The following ERP44 variants were observed in gnomAD, a reference collection of about 807,000 sequenced individuals.
ERP44 encodes the protein endoplasmic reticulum resident protein 44.
Under a neutral mutation model 53.4 loss-of-function variants are expected in ERP44, and 25 were observed. That is an observed-to-expected ratio of 0.47 (90% CI 0.34 to 0.65). The LOEUF (loss-of-function observed/expected upper bound fraction) is 0.65, where lower values mean the gene tolerates loss of function less well. ERP44 is among the 30% of genes least tolerant of loss of function. ERP44 has a pLI of 0.01. For synonymous variants in ERP44, 145 were observed against 161.2 expected, an observed-to-expected ratio of 0.90 and a Z score of 0.76; for missense variants, 338 against 493.2, an observed-to-expected ratio of 0.69 and a Z score of 2.98.
In ERP44 at chr9:100,034,152, A is replaced by T. The variant is rs189179232; in HGVS notation, c.287-11926T>A. On this transcript the variant is annotated intron_variant, in intron 4 of 11. Transcript: ENST00000262455. Reference sequence around the variant, plus strand: ...TCATAGGATGAGATAGGAGGTTGGCACAAGATACAGATCACAAAAACCTTG... The same window carrying T: ...TCATAGGATGAGATAGGAGGTTGGCTCAAGATACAGATCACAAAAACCTTG... 4.6e-4 allele frequency among the ~76,000 whole-genome samples: 70 copies of T among 152,338 alleles called. 3 individuals are homozygous for T. Among genetic ancestry groups the T allele is most frequent in the Admixed American group, 4.5e-3 (69 of 15,306 alleles).
At chr9:99,985,369 T>C (rs1159968644) in intron 10 of ERP44, among the ~76,000 whole-genome samples, 1 of 152,208 alleles carries the variant, frequency 6.6e-6, no homozygotes, top group African/African-American at 2.4e-5. Flanking sequence ...TAATGGGCAC[T>C]TTATATATTT....
intron 10 of ERP44, among the ~76,000 whole-genome samples, chr9:100,005,899 G>A (rs1175244777): frequency 6.6e-6 from 1 of 152,144 alleles, no homozygotes; most frequent in Non-Finnish European, 1.5e-5. Context: ...TTTAACCACT[G>A]TATTTAACAC....
chr9:100,057,874 C>T lies in ERP44; in HGVS notation c.131-15G>A. On this transcript the variant is annotated splice_polypyrimidine_tract_variant and intron_variant, in intron 2 of 11. Coordinates refer to ENST00000262455, the MANE Select transcript of ERP44 (RefSeq NM_015051.3). ...ATCAGCATTGTCTGAAATTGAAAGA[C>T]AAAACCAAATAAGATATTTGTAATA... 1.3e-6 allele frequency: 2 copies of T among 1,561,496 alleles called. No individual in the cohort carries two copies. Among genetic ancestry groups the T allele is most frequent in the Non-Finnish European group, 8.8e-7 (1 of 1,137,876 alleles).
intron 1 of ERP44, among the ~76,000 whole-genome samples, chr9:100,093,011 T>C (rs143380082): frequency 1.0e-3 from 154 of 152,332 alleles, no homozygotes; most frequent in African/African-American, 3.6e-3. Flanking sequence ...AACCTGAGAA[T>C]GTATCTGAAC....
At chr9:100,052,610 A>AAT in intron 3 of ERP44, 78 bp from the exon 4 acceptor site, 2 of 607,706 alleles carry the variant, frequency 3.3e-6, no homozygotes, top group Non-Finnish European at 5.8e-6. Flanking sequence ...GCCCACTGAC[A>AAT]TTTGATATAG....
chr9:100,066,748 A>G (rs971482713), intron 1 of ERP44, among the ~76,000 whole-genome samples: 4 of 152,208 alleles, frequency 2.6e-5, no homozygotes, highest in African/African-American at 9.6e-5. Context: ...TCAGTTTCGC[A>G]TTAAGCTCGC....
At chr9:100,055,363 T>TG (rs1398050739) in intron 3 of ERP44, among the ~76,000 whole-genome samples, 1 of 151,978 alleles carries the variant, frequency 6.6e-6, no homozygotes, top group East Asian at 1.9e-4. Flanking sequence ...CTGATGTGTG[T>TG]TTTTTTTGTT....
At chr9:100,085,162 G>A (rs1039766333) in intron 1 of ERP44, among the ~76,000 whole-genome samples, 1 of 152,172 alleles carries the variant, frequency 6.6e-6, no homozygotes, top group Non-Finnish European at 1.5e-5. Flanking sequence ...TATCAAGGAA[G>A]TCTTTATAAT....
intron 10 of ERP44, among the ~76,000 whole-genome samples, chr9:100,000,753 CTCTT>C (rs1441038003): frequency 3.3e-5 from 5 of 152,076 alleles, no homozygotes; most frequent in African/African-American, 4.8e-5. Flanking sequence ...TGAGACTTCT[CTCTT>C]TAATTCTAGC....
At chr9:100,012,332 A>G (rs2118640465) in intron 8 of ERP44, among the ~76,000 whole-genome samples, 1 of 152,304 alleles carries the variant, frequency 6.6e-6, no homozygotes, top group East Asian at 1.9e-4. Context: ...TGCAGGCTTA[A>G]AAATATATTA....
chr9:100,088,854 G>A (rs1826517331), intron 1 of ERP44, among the ~76,000 whole-genome samples: 1 of 152,080 alleles, frequency 6.6e-6, no homozygotes, highest in South Asian at 2.1e-4. Context: ...ATATTCAAGC[G>A]ATCATTAAGG....
At chr9:100,066,334 A>T (rs1253585793) in intron 1 of ERP44, among the ~76,000 whole-genome samples, 3 of 152,192 alleles carry the variant, frequency 2.0e-5, no homozygotes, top group Non-Finnish European at 4.4e-5. Context: ...TTAATTTTTT[A>T]AAGTATACTG....
At chr9:99,985,255 G>A (rs1235799950) in intron 10 of ERP44, among the ~76,000 whole-genome samples, 186 bp from the exon 11 acceptor site, 1 of 152,092 alleles carries the variant, frequency 6.6e-6, no homozygotes, top group African/African-American at 2.4e-5. Flanking sequence ...ACTCAGTTTT[G>A]TATTCTAATT....
intron 6 of ERP44, among the ~76,000 whole-genome samples, chr9:100,019,299 T>C (rs1464284163): frequency 2.0e-5 from 3 of 152,098 alleles, no homozygotes. Context: ...ATCCCAGCAC[T>C]TTTGGAGGCA....
intron 6 of ERP44, among the ~76,000 whole-genome samples, 170 bp from the exon 7 acceptor site, chr9:100,018,483 G>A (rs1279353488): frequency 2.6e-5 from 4 of 152,072 alleles, no homozygotes; most frequent in African/African-American, 9.7e-5. Flanking sequence ...ACTTTTTAAA[G>A]GAAAATTTTA....
chr9:100,092,798 G>A (rs1826575158), intron 1 of ERP44, among the ~76,000 whole-genome samples: 1 of 152,118 alleles, frequency 6.6e-6, no homozygotes, highest in Non-Finnish European at 1.5e-5. Context: ...AATTTAAATT[G>A]TGATACCATT....
At chr9:100,051,161 C>T (rs1436761625) in intron 4 of ERP44, among the ~76,000 whole-genome samples, 1 of 152,130 alleles carries the variant, frequency 6.6e-6, no homozygotes, top group Non-Finnish European at 1.5e-5. Context: ...TGGGGTGGGG[C>T]TCAGAAGACT....
intron 10 of ERP44, among the ~76,000 whole-genome samples, chr9:100,005,409 A>C (rs536267222): frequency 6.6e-6 from 1 of 152,342 alleles, no homozygotes; most frequent in Admixed American, 6.5e-5. Flanking sequence ...GGTTCTTAGC[A>C]CAATGTCTGT....
At chr9:100,077,969 C>T (rs2118743887) in intron 1 of ERP44, among the ~76,000 whole-genome samples, 1 of 152,192 alleles carries the variant, frequency 6.6e-6, no homozygotes, top group East Asian at 1.9e-4. Context: ...AAAAACACAA[C>T]CACCAGGAAA....
Sources: allele counts gnomAD v4.1 joint callset (sites outside exome capture counted in the v4.1 genomes callset), GRCh38; gene constraint gnomAD v4.1.1; transcripts MANE v1.5; gene names NCBI Gene and HGNC (gene_info 2026-07-23, HGNC 2026-07-21).